CCDC102B: variants seen among roughly 807,000 people sequenced by gnomAD.
CCDC102B encodes the protein coiled-coil domain-containing protein 102B.
CCDC102B carries 75 observed loss-of-function variants against 57.4 expected under a neutral mutation model. That is an observed-to-expected ratio of 1.31 (90% CI 1.08 to 1.58). The LOEUF (loss-of-function observed/expected upper bound fraction) is 1.58, where lower values mean the gene tolerates loss of function less well. CCDC102B is among the 40% of genes most tolerant of loss of function. The pLI is 0.00. For missense variants in CCDC102B, 636 were observed against 582.6 expected, an observed-to-expected ratio of 1.09 and a Z score of -0.94; for synonymous variants, 206 against 201.9, an observed-to-expected ratio of 1.02 and a Z score of -0.17.
At chr18:68,810,376 A>G (rs1049424719) in intron 1 of CCDC102B, among the ~76,000 whole-genome samples, 1 of 152,216 alleles carries the variant, frequency 6.6e-6, no homozygotes, top group African/African-American at 2.4e-5. Context: ...CTGTTCAGAC[A>G]TTGCAGATAT....
intron 6 of CCDC102B, among the ~76,000 whole-genome samples, chr18:68,960,110 A>T (rs1360140648): frequency 6.6e-6 from 1 of 152,166 alleles, no homozygotes; most frequent in Admixed American, 6.5e-5. Context: ...TGTTACACCT[A>T]TAGCCAGTAG....
chr18:69,057,400 C>T (rs1294180579), downstream of CCDC102B, among the ~76,000 whole-genome samples: 3 of 152,004 alleles, frequency 2.0e-5, no homozygotes, highest in Admixed American at 2.0e-4. Context: ...CTCCTGGGTC[C>T]TGGATGTCCA....
intron 6 of CCDC102B, among the ~76,000 whole-genome samples, chr18:68,997,551 T>G (rs2051064189): frequency 6.6e-6 from 1 of 152,182 alleles, no homozygotes; most frequent in South Asian, 2.1e-4. Flanking sequence ...ACATGTCAAG[T>G]AGACAGCTTG....
In CCDC102B at chr18:69,025,223, T is replaced by A. The variant is rs893374130; in HGVS notation, c.1434+14119T>A. ...AGTTATCAAACTAATATATGTACAC[T>A]AATTTATTTTCTTTAATAAACAGAA... is the stretch of plus-strand genomic sequence containing the variant. On this transcript the variant is annotated intron_variant, in intron 7 of 7. Transcript: ENST00000360242. Among the ~76,000 whole-genome samples, 10 of 152,324 alleles carry A rather than the reference T, an allele frequency of 6.6e-5. No individual in the cohort carries two copies. The East Asian group carries it at 1.9e-3, about 29-fold the overall frequency.
chr18:68,853,120 T>C (rs2038208372), intron 4 of CCDC102B, among the ~76,000 whole-genome samples: 1 of 152,220 alleles, frequency 6.6e-6, no homozygotes, highest in African/African-American at 2.4e-5. Context: ...CAAGTTGAAG[T>C]TGAGCTGAGA....
At chr18:69,006,262 T>C (rs2051338075) in intron 6 of CCDC102B, among the ~76,000 whole-genome samples, 1 of 152,158 alleles carries the variant, frequency 6.6e-6, no homozygotes, top group East Asian at 1.9e-4. Context: ...TAGTGTATGA[T>C]CCTATATACC....
intron 6 of CCDC102B, among the ~76,000 whole-genome samples, chr18:68,967,031 T>A (rs2050181854): frequency 6.6e-6 from 1 of 152,122 alleles, no homozygotes; most frequent in African/African-American, 2.4e-5. Flanking sequence ...GAGGGAAATA[T>A]TTTCAACATA....
intron 6 of CCDC102B, among the ~76,000 whole-genome samples, chr18:68,928,648 A>G (rs963370670): frequency 6.6e-6 from 1 of 151,924 alleles, no homozygotes; most frequent in African/African-American, 2.4e-5. Flanking sequence ...TGGAAAGGGA[A>G]GAAATGGAAG....
rs375926881 is a variant in CCDC102B, at chr18:68,897,108, A to G, written c.1054-111A>G. On this transcript the variant is annotated intron_variant, in intron 5 of 7. Transcript: ENST00000360242. Reference sequence around the variant, plus strand: ...AATAGAATTTTCTTTTTAAAATTGTATCAGTGGACATATCCATGAACTTTT... The same window carrying G: ...AATAGAATTTTCTTTTTAAAATTGTGTCAGTGGACATATCCATGAACTTTT... 1.8e-5 allele frequency: 13 copies of G among 739,890 alleles called. No individual in the cohort carries two copies. The African/African-American group carries it at 1.8e-4, about 10-fold the overall frequency. 45.8% of individuals were successfully genotyped at this position (739,890 alleles called of 1,614,324 possible). A position where few individuals can be genotyped will look rare whatever the true frequency, so the allele number is the denominator to read the frequency against.
chr18:68,743,181 C>T (rs554892281), intron 2 of CCDC102B, among the ~76,000 whole-genome samples: 2 of 151,046 alleles, frequency 1.3e-5, no homozygotes, highest in African/African-American at 2.4e-5. Flanking sequence ...GCCTGGCCAA[C>T]GTGGTGAAAC....
rs190754101 is a variant in CCDC102B at position 68,874,378 on chromosome 18, G to T, written c.937-291G>T. ...TAATTGGTTAGTTTAGAAACCAGTT[G>T]GTCAATTGTTTCGGAGTTTGTGGAG... is the stretch of plus-strand genomic sequence containing the variant. On this transcript the variant is annotated intron_variant, in intron 4 of 7. Transcript: ENST00000360242. Among the ~76,000 whole-genome samples, 3 of 151,924 alleles carry T rather than the reference G, an allele frequency of 2.0e-5. No individual in the cohort carries two copies. The East Asian group carries it at 5.8e-4, about 29-fold the overall frequency.
intron 6 of CCDC102B, among the ~76,000 whole-genome samples, chr18:68,942,551 A>G (rs1323057226): frequency 6.6e-6 from 1 of 152,066 alleles, no homozygotes; most frequent in African/African-American, 2.4e-5. Context: ...TCTCTGCATC[A>G]TAAACAAGGT....
intron 4 of CCDC102B, among the ~76,000 whole-genome samples, chr18:68,871,109 A>AT (rs1278620734): frequency 6.6e-6 from 1 of 152,114 alleles, no homozygotes; most frequent in Non-Finnish European, 1.5e-5. Context: ...CCTGGTTTAA[A>AT]TTTTCATAAA....
chr18:68,741,995 T>C (rs915275844), intron 2 of CCDC102B, among the ~76,000 whole-genome samples: 1 of 152,076 alleles, frequency 6.6e-6, no homozygotes, highest in Non-Finnish European at 1.5e-5. Context: ...CTGTGTGTGG[T>C]CAAACATCAA....
At chr18:68,782,653 C>G (rs527366196) in intron 2 of CCDC102B, among the ~76,000 whole-genome samples, 42 of 152,200 alleles carry the variant, frequency 2.8e-4, no homozygotes, top group African/African-American at 9.4e-4. Context: ...CTCTAATTTC[C>G]AGTAGTTGGA....
chr18:68,953,148 A>C (rs1039373788), intron 6 of CCDC102B, among the ~76,000 whole-genome samples: 1 of 152,146 alleles, frequency 6.6e-6, no homozygotes, highest in Admixed American at 6.6e-5. Context: ...ATTTTTACAA[A>C]TAGTAAAGCC....
intron 4 of CCDC102B, among the ~76,000 whole-genome samples, chr18:68,872,363 G>A (rs562338500): frequency 2.6e-5 from 4 of 151,930 alleles, no homozygotes; most frequent in Admixed American, 1.3e-4. Flanking sequence ...ACAGGCACCG[G>A]GACCAAACTT....
intron 6 of CCDC102B, among the ~76,000 whole-genome samples, chr18:68,938,499 G>T (rs1045597760): frequency 1.3e-5 from 2 of 151,588 alleles, no homozygotes; most frequent in African/African-American, 4.8e-5. Flanking sequence ...GTTTTATATT[G>T]ACTGTTTTAT....
At chr18:68,878,106 G>A (rs2039521584) in intron 5 of CCDC102B, among the ~76,000 whole-genome samples, 1 of 152,170 alleles carries the variant, frequency 6.6e-6, no homozygotes, top group Non-Finnish European at 1.5e-5. Context: ...CTTTCTGTTT[G>A]TTTGTTTGGA....
Sources: allele counts gnomAD v4.1 joint callset (sites outside exome capture counted in the v4.1 genomes callset), GRCh38; gene constraint gnomAD v4.1.1; transcripts MANE v1.5; gene names NCBI Gene and HGNC (gene_info 2026-07-23, HGNC 2026-07-21).